The following JAKMIP1 variants were observed in gnomAD, a reference collection of about 807,000 sequenced individuals.
JAKMIP1 encodes the protein janus kinase and microtubule interacting protein 1.
In JAKMIP1, 33 loss-of-function variants were observed where a neutral mutation model predicts 113.0. The observed-to-expected ratio is 0.29, with a 90% CI of 0.22 to 0.39. The LOEUF is 0.39. Among genes scored for constraint, JAKMIP1 ranks in the 10% least tolerant of loss-of-function variants. JAKMIP1 has a pLI of 1.00. For missense variants in JAKMIP1, 813 were observed against 1,080.5 expected, an observed-to-expected ratio of 0.75 and a Z score of 3.47; for synonymous variants, 480 against 459.9, an observed-to-expected ratio of 1.04 and a Z score of -0.56.
At position 6,051,460 on chromosome 4, in the gene JAKMIP1, A is replaced by C. The variant is rs1390096973; in HGVS notation, c.1807-781T>G. On this transcript the variant is annotated intron_variant, in intron 13 of 20. Transcript: ENST00000409021. This position sits in a 1 kb window ranked among gnomAD's most constrained non-coding sequence, Gnocchi z 5.0. ...ACCATGTTGGCCAGGCTGGTCTTGA[A>C]CTCCAGAGACCTCAGGTGATCCACC... 1.3e-5 allele frequency among the ~76,000 whole-genome samples: 2 copies of C among 150,438 alleles called. No homozygotes were observed. The highest frequency in any genetic ancestry group is 3.0e-5 in the Non-Finnish European group (2 of 67,658).
chr4:6,151,987 C>T (rs1280315302), intron 1 of JAKMIP1, among the ~76,000 whole-genome samples: 1 of 152,020 alleles, frequency 6.6e-6, no homozygotes, highest in Non-Finnish European at 1.5e-5. Flanking sequence ...CTACGGGGCT[C>T]GCCACTATGC....
intron 16 of JAKMIP1, among the ~76,000 whole-genome samples, chr4:6,043,004 G>T (rs1488400281): frequency 6.6e-6 from 1 of 152,010 alleles, no homozygotes; most frequent in Non-Finnish European, 1.5e-5. Context: ...GTCATACGTG[G>T]ATGTGCCTCT....
intron 1 of JAKMIP1, among the ~76,000 whole-genome samples, chr4:6,119,266 G>A (rs561093872): frequency 7.3e-5 from 11 of 151,134 alleles, no homozygotes; most frequent in African/African-American, 1.5e-4. Flanking sequence ...TCCTGGGGCC[G>A]GGCGCGGTGG....
At chr4:6,145,865 T>C (rs1290674729) in intron 1 of JAKMIP1, among the ~76,000 whole-genome samples, 5 of 152,072 alleles carry the variant, frequency 3.3e-5, no homozygotes, top group Admixed American at 1.3e-4. Context: ...ATCACACCAG[T>C]CATATTGAAT....
Position 6,050,608 on chromosome 4 carries a change from G to A in JAKMIP1, c.1878C>T (p.Leu626=). 1 of 1,575,126 alleles carries A rather than the reference G, an allele frequency of 6.3e-7. No homozygotes were observed. The highest frequency in any genetic ancestry group is 8.6e-7 in the Non-Finnish European group (1 of 1,159,878). ...TTFPENHSSA[L]QLFCHQEGVK... is the part of the protein sequence containing the mutation. ...CTCCTTCCTGGTGACAGAACAGCTGGAGAGCGCTGCTGTGGTTCTCGGGGA... is the reference window on the plus strand; with the variant it reads ...CTCCTTCCTGGTGACAGAACAGCTGAAGAGCGCTGCTGTGGTTCTCGGGGA... Residue 626 remains leucine (L), a synonymous_variant, in exon 14 of 21, where the codon CTC becomes CTT. Transcript: ENST00000409021. The surrounding 1 kb of genome is among the most constrained non-coding windows in gnomAD (Gnocchi z 7.4).
chr4:6,104,518 A>G (rs980794589), intron 3 of JAKMIP1, among the ~76,000 whole-genome samples: 4 of 152,234 alleles, frequency 2.6e-5, no homozygotes, highest in African/African-American at 9.6e-5. Context: ...TGCACAGTGT[A>G]TCTTTCCCCA....
In JAKMIP1 at chr4:6,084,863, C is replaced by G; in HGVS notation, c.937G>C (p.Asp313His). 2 of 1,608,396 alleles carry G rather than the reference C, an allele frequency of 1.2e-6. No individual in the cohort carries two copies. The highest frequency in any genetic ancestry group is 1.7e-6 in the Non-Finnish European group (2 of 1,178,644). The change falls in exon 5 of 21, where the codon GAT becomes CAT. Residue 313 changes from aspartate to histidine, a missense_variant. Around this residue, in one of 2 missense-constraint regions of JAKMIP1, gnomAD observed 540 missense variants for 653.9 expected, o/e 0.83. Coordinates refer to ENST00000409021, the MANE Select transcript of JAKMIP1 (RefSeq NM_001099433.2). ...KLEDRNTLLA[D>H]ERNELLKRSR... is the part of the protein sequence containing the mutation. ...CTACTTACCAGTTCATTCCTCTCATCTGCCAACAGCGTATTTCTGTCTTCC... is the reference window on the plus strand; with the variant it reads ...CTACTTACCAGTTCATTCCTCTCATGTGCCAACAGCGTATTTCTGTCTTCC...
intron 2 of JAKMIP1, among the ~76,000 whole-genome samples, chr4:6,112,265 C>A (rs1236125340): frequency 1.3e-5 from 2 of 152,182 alleles, no homozygotes; most frequent in East Asian, 1.9e-4. Context: ...ACAGGTGACC[C>A]ATGGATCAAG....
intron 1 of JAKMIP1, among the ~76,000 whole-genome samples, chr4:6,119,218 C>G (rs991318960): frequency 6.6e-6 from 1 of 152,170 alleles, no homozygotes; most frequent in Admixed American, 6.5e-5. Context: ...ATAGAGGCCA[C>G]AGGAAATTAA....
chr4:6,027,162 G>C (rs749026474), intron 20 of JAKMIP1, among the ~76,000 whole-genome samples: 1 of 152,062 alleles, frequency 6.6e-6, no homozygotes, highest in Non-Finnish European at 1.5e-5. Context: ...ACCCTTCTCA[G>C]GACTTGCTTT....
intron 1 of JAKMIP1, among the ~76,000 whole-genome samples, chr4:6,134,328 G>A (rs1282618461): frequency 2.0e-5 from 3 of 152,108 alleles, no homozygotes; most frequent in African/African-American, 4.8e-5. Flanking sequence ...CCAGTCTCAG[G>A]TAGTATCTTT....
chr4:6,073,006 G>A (rs913394826), intron 8 of JAKMIP1, among the ~76,000 whole-genome samples: 4 of 151,518 alleles, frequency 2.6e-5, no homozygotes, highest in Admixed American at 6.6e-5. Context: ...CCCGGGAGGC[G>A]GAGGTTGCCG....
At chr4:6,109,201 T>G (rs926150667) in intron 2 of JAKMIP1, among the ~76,000 whole-genome samples, 1 of 149,522 alleles carries the variant, frequency 6.7e-6, no homozygotes, top group Non-Finnish European at 1.5e-5. Flanking sequence ...GGCACGATCT[T>G]GGCTCACTGC....
chr4:6,151,601 A>C (rs1422438164), intron 1 of JAKMIP1, among the ~76,000 whole-genome samples: 1 of 152,096 alleles, frequency 6.6e-6, no homozygotes, highest in Admixed American at 6.6e-5. Context: ...CACTCACAGC[A>C]CTGTGACCTT....
rs1722603565 is a variant in JAKMIP1 at position 6,094,981 on chromosome 4, C to CA, written c.625-9353dup. Among the ~76,000 whole-genome samples, 1 of 126,286 alleles carries CA rather than the reference C, an allele frequency of 7.9e-6. No individual in the cohort carries two copies. Among genetic ancestry groups the CA allele is most frequent in the Non-Finnish European group, 1.6e-5 (1 of 62,998 alleles). 82.8% of individuals were successfully genotyped at this position (126,286 alleles called of 152,430 possible). On this transcript the variant is annotated intron_variant, in intron 3 of 20. Transcript: ENST00000409021. This position sits in a 1 kb window ranked among gnomAD's most constrained non-coding sequence, Gnocchi z 4.2. ...CCTGGGCGACAGAGCAAGACCCTGTCAAAAAAGAAAAAAGATAGAAGAAAA... is the reference window on the plus strand; with the variant it reads ...CCTGGGCGACAGAGCAAGACCCTGTCAAAAAAAGAAAAAAGATAGAAGAAAA...
chr4:6,034,228 C>T (rs933663275), intron 19 of JAKMIP1, among the ~76,000 whole-genome samples: 1 of 103,636 alleles, frequency 9.6e-6, no homozygotes, highest in African/African-American at 7.2e-5. Context: ...CTAAACCTTA[C>T]CATGCCCCAG....
chr4:6,184,715 A>G lies in JAKMIP1; in HGVS notation c.-148+15538T>C, dbSNP rs1234201619. On this transcript the variant is annotated intron_variant, in intron 1 of 20. Coordinates refer to ENST00000409021, the MANE Select transcript of JAKMIP1 (RefSeq NM_001099433.2). This position sits in a 1 kb window ranked among gnomAD's most constrained non-coding sequence, Gnocchi z 4.5. ...TTTTAGAAACAGCCAAACAGAATGC[A>G]TAACTACAGGATAAGTGGAGTGATG... 6.6e-6 allele frequency among the ~76,000 whole-genome samples: 1 copy of G among 152,212 alleles called. No homozygotes were observed. The highest frequency in any genetic ancestry group is 1.5e-5 in the Non-Finnish European group (1 of 68,040).
chr4:6,055,528 T>C lies in JAKMIP1; in HGVS notation c.1707+1169A>G, dbSNP rs562972572. Among the ~76,000 whole-genome samples, 5 of 152,300 alleles carry C rather than the reference T, an allele frequency of 3.3e-5. No homozygotes were observed. The East Asian group carries it at 9.7e-4, about 29-fold the overall frequency. On this transcript the variant is annotated intron_variant, in intron 12 of 20. Transcript: ENST00000409021. ...TCAGCTGCACTGGGCTGAGATGGCC[T>C]GAGGATCTGCCCATGGACCTGCCTC...
intron 3 of JAKMIP1, among the ~76,000 whole-genome samples, chr4:6,087,050 A>G (rs980926336): frequency 7.9e-5 from 12 of 152,158 alleles, no homozygotes; most frequent in African/African-American, 2.2e-4. Flanking sequence ...GAAGTTTGAG[A>G]TTATTTGTTG....
Sources: allele counts gnomAD v4.1 joint callset (sites outside exome capture counted in the v4.1 genomes callset), GRCh38; gene constraint gnomAD v4.1.1; regional missense constraint gnomAD v4.1.1; non-coding constraint Gnocchi (gnomAD v3.1); transcripts MANE v1.5; gene names NCBI Gene and HGNC (gene_info 2026-07-23, HGNC 2026-07-21).